TNFRSF1B: variants seen among roughly 807,000 people sequenced by gnomAD.
TNFRSF1B encodes TNF receptor superfamily member 1B.
TNFRSF1B carries 19 observed loss-of-function variants against 44.6 expected under a neutral mutation model. The observed-to-expected ratio is 0.43, with a 90% CI of 0.30 to 0.62. The LOEUF is 0.62. Ranked by LOEUF, TNFRSF1B falls within the 20% of genes least tolerant of loss-of-function variation. The pLI, the probability that TNFRSF1B is intolerant of heterozygous loss-of-function variation, is 0.16. For synonymous variants in TNFRSF1B, 252 were observed against 261.1 expected (o/e 0.97, Z 0.34); for missense variants, 541 against 619.9 (o/e 0.87, Z 1.35).
Position 12,192,926 on chromosome 1 carries a change from C to G in TNFRSF1B, c.615C>G (p.Pro205=). ...SMDAVCTSTS[P]TRSMAPGAVH... is the part of the protein sequence containing the mutation. ...ATGCAGTCTGCACGTCCACGTCCCC[C>G]ACCCGGAGTATGGCCCCAGGGGCAG... Residue 205 remains proline (P), a synonymous_variant, in exon 6 of 10, where the codon CCC becomes CCG. Transcript: ENST00000376259. The G allele has an allele frequency of 6.2e-7, 1 of 1,614,192 alleles. No homozygotes were observed. The highest frequency in any genetic ancestry group is 8.5e-7 in the Non-Finnish European group (1 of 1,180,032).
At chr1:12,201,173 T>A (rs1639383246) in intron 8 of TNFRSF1B, among the ~76,000 whole-genome samples, 2 of 146,124 alleles carry the variant, frequency 1.4e-5, no homozygotes, top group Non-Finnish European at 3.0e-5. Context: ...GGCAGGAGGA[T>A]CACTTGAGCC....
In TNFRSF1B at chr1:12,191,240, TTCC is replaced by T. The variant is rs1331980940; in HGVS notation, c.307+161_307+163del. Reference sequence around the variant, plus strand: ...GCTGTTTACCCCTACCACTGGCATTTTCCTCCTCTGTCTCACCAAAGCCTCTTC... The same window carrying T: ...GCTGTTTACCCCTACCACTGGCATTTTCCTCTGTCTCACCAAAGCCTCTTC... On this transcript the variant is annotated intron_variant, in intron 3 of 9. Transcript: ENST00000376259. Among the ~76,000 whole-genome samples, 6 of 152,248 alleles carry T rather than the reference TTCC, an allele frequency of 3.9e-5. 1 individual carries two copies. The highest frequency in any genetic ancestry group is 3.9e-4 in the Admixed American group (6 of 15,284).
Position 12,169,550 on chromosome 1 carries a change from C to T in TNFRSF1B, c.78+2381C>T, listed in dbSNP as rs1164303458. On this transcript the variant is annotated intron_variant, in intron 1 of 9. Transcript: ENST00000376259. This position sits in a 1 kb window ranked among gnomAD's most constrained non-coding sequence, Gnocchi z 4.5. ...CACCCTCCCCGTGCCCGTATCTGCA[C>T]TCATGCTCCCAGCCAGGCCCTCACA... is the stretch of plus-strand genomic sequence containing the variant. Among the ~76,000 whole-genome samples, 1 of 152,212 alleles carries T rather than the reference C, an allele frequency of 6.6e-6. No individual in the cohort carries two copies. Among genetic ancestry groups the T allele is most frequent in the Non-Finnish European group, 1.5e-5 (1 of 68,042 alleles).
In TNFRSF1B at chr1:12,178,942, C is replaced by T. The variant is rs190494662; in HGVS notation, c.79-9854C>T. Reference sequence around the variant, plus strand: ...AGGCTGGGAACCAAGACCAAGGAGCCTGCAGCTGGCAGGAGATGCTGAGGG... The same window carrying T: ...AGGCTGGGAACCAAGACCAAGGAGCTTGCAGCTGGCAGGAGATGCTGAGGG... On this transcript the variant is annotated intron_variant, in intron 1 of 9. Coordinates refer to ENST00000376259, the MANE Select transcript of TNFRSF1B (RefSeq NM_001066.3). The surrounding 1 kb of genome is among the most constrained non-coding windows in gnomAD (Gnocchi z 4.3). 6.6e-6 allele frequency among the ~76,000 whole-genome samples: 1 copy of T among 152,076 alleles called. No individual in the cohort carries two copies. Among genetic ancestry groups the T allele is most frequent in the African/African-American group, 2.4e-5 (1 of 41,384 alleles).
chr1:12,187,090 C>T lies in TNFRSF1B; in HGVS notation c.79-1706C>T, dbSNP rs965359727. Among the ~76,000 whole-genome samples the T allele has an allele frequency of 1.3e-5, 2 of 151,844 alleles. No homozygotes were observed. Among genetic ancestry groups the T allele is most frequent in the African/African-American group, 2.4e-5 (1 of 41,332 alleles). On this transcript the variant is annotated intron_variant, in intron 1 of 9. Transcript: ENST00000376259. This position sits in a 1 kb window ranked among gnomAD's most constrained non-coding sequence, Gnocchi z 5.5. ...AGAGACCCGAGAGAGGAGGGCTCTG[C>T]GTCTGCTCCTCTGTCCAGGGCTGTA...
chr1:12,197,790 C>T (rs912305226), intron 8 of TNFRSF1B, among the ~76,000 whole-genome samples: 6 of 152,154 alleles, frequency 3.9e-5, no homozygotes, highest in Non-Finnish European at 7.3e-5. Context: ...ACAGAAAGAA[C>T]GTCCAGGGCA....
Position 12,207,053 on chromosome 1 carries a change from T to C in TNFRSF1B, c.*33T>C. The stretch of plus-strand genomic sequence containing the variant: ...GGTGTGGGCTGTGTCGTAGCCAAGG[T>C]GGGCTGAGCCCTGGCAGGATGACCC... On this transcript the variant is annotated 3_prime_UTR_variant, in exon 10 of 10. Transcript: ENST00000376259. 2 of 1,532,900 alleles carry C rather than the reference T, an allele frequency of 1.3e-6. No homozygotes were observed. The highest frequency in any genetic ancestry group is 1.8e-6 in the Non-Finnish European group (2 of 1,135,578). The allele number at this position is 1,532,900 out of a possible 1,614,324, so 95.0% of individuals were successfully genotyped here.
intron 1 of TNFRSF1B, among the ~76,000 whole-genome samples, chr1:12,173,006 G>C (rs201439847): frequency 1.8e-4 from 27 of 152,212 alleles, no homozygotes; most frequent in Non-Finnish European, 8.8e-5. Flanking sequence ...GATGCCCTAT[G>C]GGGGCTCTTC....
At position 12,180,013 on chromosome 1, in the gene TNFRSF1B, C is replaced by T. The variant is rs1312504494; in HGVS notation, c.79-8783C>T. Among the ~76,000 whole-genome samples the T allele has an allele frequency of 6.6e-6, 1 of 152,166 alleles. No homozygotes were observed. Among genetic ancestry groups the T allele is most frequent in the Non-Finnish European group, 1.5e-5 (1 of 68,002 alleles). ...TGAAGCTTCTCCCTGTGGCCACCTC[C>T]CCACCGCATCATCTTCCGTTCTCAG... On this transcript the variant is annotated intron_variant, in intron 1 of 9. Coordinates refer to ENST00000376259, the MANE Select transcript of TNFRSF1B (RefSeq NM_001066.3). The surrounding 1 kb of genome is among the most constrained non-coding windows in gnomAD (Gnocchi z 4.3).
At chr1:12,172,937 C>T (rs1200555186) in intron 1 of TNFRSF1B, among the ~76,000 whole-genome samples, 1 of 152,218 alleles carries the variant, frequency 6.6e-6, no homozygotes, top group Non-Finnish European at 1.5e-5. Context: ...TCCAAAACCT[C>T]TTCCATCTCC....
intron 1 of TNFRSF1B, among the ~76,000 whole-genome samples, chr1:12,183,720 CCTATCTATCTAT>C (rs376176302): frequency 6.5e-5 from 6 of 92,202 alleles, no homozygotes; most frequent in South Asian, 4.1e-4. Flanking sequence ...ATTCTATCTA[CCTATCTATCTAT>C]CTATCTATCT....
rs2101075432 is a variant in TNFRSF1B, at chr1:12,171,215, T to C, written c.78+4046T>C. 6.6e-6 allele frequency among the ~76,000 whole-genome samples: 1 copy of C among 151,530 alleles called. No individual in the cohort carries two copies. Among genetic ancestry groups the C allele is most frequent in the South Asian group, 2.1e-4 (1 of 4,810 alleles). On this transcript the variant is annotated intron_variant, in intron 1 of 9. Coordinates refer to ENST00000376259, the MANE Select transcript of TNFRSF1B (RefSeq NM_001066.3). The surrounding 1 kb of genome is among the most constrained non-coding windows in gnomAD (Gnocchi z 4.5). The stretch of plus-strand genomic sequence containing the variant: ...TTTTAGTAGAGACCGGGTTTTGCCA[T>C]GTTGGCCAGGCTGGTCTCGAACTCC...
rs60313758 is a variant in TNFRSF1B at position 12,198,691 on chromosome 1, G to GTTTTTTTTT, written c.901-3267_901-3259dup. Reference sequence around the variant, plus strand: ...TGGCTGGCTGGCTGGCTGGAATTCTGTTTTTTTTTTTTTTTTTGAGAAAGA... The same window carrying GTTTTTTTTT: ...TGGCTGGCTGGCTGGCTGGAATTCTGTTTTTTTTTTTTTTTTTTTTTTTTTTGAGAAAGA... On this transcript the variant is annotated intron_variant, in intron 8 of 9. Coordinates refer to ENST00000376259, the MANE Select transcript of TNFRSF1B (RefSeq NM_001066.3). Among the ~76,000 whole-genome samples the GTTTTTTTTT allele has an allele frequency of 3.3e-4, 28 of 85,628 alleles. 5 individuals are homozygous for GTTTTTTTTT. Among genetic ancestry groups the GTTTTTTTTT allele is most frequent in the Admixed American group, 4.6e-4 (3 of 6,494 alleles). 56.2% of individuals were successfully genotyped at this position (85,628 alleles called of 152,430 possible). A position where few individuals can be genotyped will look rare whatever the true frequency, so the allele number is the denominator to read the frequency against.
At position 12,202,106 on chromosome 1, in the gene TNFRSF1B, A is replaced by T. The variant is rs1639406667; in HGVS notation, c.1040A>T (p.Gln347Leu). The change falls in exon 9 of 10, where the codon CAG becomes CTG. Residue 347 changes from glutamine to leucine, a missense_variant. Transcript: ENST00000376259. ...ALDRRAPTRNQPQAPGVEASG... is the reference protein window; with the variant it reads ...ALDRRAPTRNLPQAPGVEASG... ...GACAGAAGGGCGCCCACTCGGAACC[A>T]GCCACAGGCACCAGGCGTGGAGGCC... is the stretch of plus-strand genomic sequence containing the variant. The T allele has an allele frequency of 6.4e-7, 1 of 1,574,726 alleles. No homozygotes were observed. Among genetic ancestry groups the T allele is most frequent in the Non-Finnish European group, 8.6e-7 (1 of 1,160,842 alleles).
chr1:12,170,756 T>A (rs968583948), intron 1 of TNFRSF1B, among the ~76,000 whole-genome samples: 14 of 151,546 alleles, frequency 9.2e-5, no homozygotes, highest in South Asian at 4.2e-4. Context: ...TCCATCTGCC[T>A]CTTGGGTTCA....
Position 12,187,965 on chromosome 1 carries a change from G to C in TNFRSF1B, c.79-831G>C, listed in dbSNP as rs1639023209. Among the ~76,000 whole-genome samples, 1 of 152,166 alleles carries C rather than the reference G, an allele frequency of 6.6e-6. No homozygotes were observed. Among genetic ancestry groups the C allele is most frequent in the Non-Finnish European group, 1.5e-5 (1 of 67,992 alleles). On this transcript the variant is annotated intron_variant, in intron 1 of 9. Coordinates refer to ENST00000376259, the MANE Select transcript of TNFRSF1B (RefSeq NM_001066.3). This position sits in a 1 kb window ranked among gnomAD's most constrained non-coding sequence, Gnocchi z 5.5. ...CAGCTGGGGGAGCGGTGCCCTGCTG[G>C]CAGCAGGGGTCTGAGTGGGGTGCAA...
At chr1:12,183,797 TCTATCTAGCTATCTATCTATTCTATCTAC>T (rs1638907063) in intron 1 of TNFRSF1B, among the ~76,000 whole-genome samples, 14 of 142,716 alleles carry the variant, frequency 9.8e-5, no homozygotes, top group African/African-American at 3.4e-4. Context: ...TACCTATCTA[TCTATCTAGCTATCTATCTATTCTATCTAC>T]CTATCTATCT....
At position 12,180,285 on chromosome 1, in the gene TNFRSF1B, T is replaced by C. The variant is rs986085562; in HGVS notation, c.79-8511T>C. Among the ~76,000 whole-genome samples the C allele has an allele frequency of 6.6e-6, 1 of 152,124 alleles. No individual in the cohort carries two copies. The highest frequency in any genetic ancestry group is 2.4e-5 in the African/African-American group (1 of 41,424). ...TCTCTTTCTATAAATGAAAAAATAATAATAAAGCCATGAAGATCCCCAAAG... is the reference window on the plus strand; with the variant it reads ...TCTCTTTCTATAAATGAAAAAATAACAATAAAGCCATGAAGATCCCCAAAG... On this transcript the variant is annotated intron_variant, in intron 1 of 9. Transcript: ENST00000376259. This position sits in a 1 kb window ranked among gnomAD's most constrained non-coding sequence, Gnocchi z 4.3.
Position 12,207,276 on chromosome 1 carries a change from G to A in TNFRSF1B, c.*256G>A, listed in dbSNP as rs527887561. On this transcript the variant is annotated 3_prime_UTR_variant, in exon 10 of 10. Transcript: ENST00000376259. ...GGCTGGCTGGGCATGGACGTTCGGG[G>A]CATGCTGGGGCAAGTCCCTGACTCT... The A allele has an allele frequency of 1.0e-4, 42 of 405,908 alleles. No homozygotes were observed. The highest frequency in any genetic ancestry group is 1.3e-3 in the Middle Eastern group (2 of 1,592). 25.1% of individuals were successfully genotyped at this position (405,908 alleles called of 1,614,324 possible). A position where few individuals can be genotyped will look rare whatever the true frequency, so the allele number is the denominator to read the frequency against.
Sources: allele counts gnomAD v4.1 joint callset (sites outside exome capture counted in the v4.1 genomes callset), GRCh38; gene constraint gnomAD v4.1.1; non-coding constraint Gnocchi (gnomAD v3.1); transcripts MANE v1.5; gene names NCBI Gene and HGNC (gene_info 2026-07-23, HGNC 2026-07-21).